The following ESRRG variants were observed in gnomAD, a reference collection of about 807,000 sequenced individuals.
The protein encoded by ESRRG is estrogen related receptor gamma.
A neutral mutation model predicts 44.0 loss-of-function variants in ESRRG; 13 were observed. The ratio of observed to expected loss-of-function variants is 0.30; its 90% CI spans 0.19 to 0.47. The LOEUF is 0.47. Among genes scored for constraint, ESRRG ranks in the 20% least tolerant of loss-of-function variants. ESRRG has a pLI of 1.00. For synonymous variants in ESRRG, 215 were observed against 214.6 expected, an observed-to-expected ratio of 1.00 and a Z score of -0.02; for missense variants, 395 against 580.6, an observed-to-expected ratio of 0.68 and a Z score of 3.29.
intron 1 of ESRRG, among the ~76,000 whole-genome samples, chr1:217,002,506 A>C (rs947078617): frequency 6.6e-6 from 1 of 152,022 alleles, no homozygotes; most frequent in African/African-American, 2.4e-5. Flanking sequence ...ACAGTATATT[A>C]ATACTGTAGG....
intron 1 of ESRRG, among the ~76,000 whole-genome samples, chr1:217,056,318 T>C (rs892936955): frequency 6.6e-6 from 1 of 152,194 alleles, no homozygotes; most frequent in African/African-American, 2.4e-5. Flanking sequence ...CAGATATTAT[T>C]AATTACATTT....
upstream of ESRRG, chr1:217,089,716 C>T (rs2092298388): frequency 6.6e-6 from 1 of 152,082 alleles, no homozygotes. Flanking sequence ...GCACGGCCCC[C>T]CGCTCTGCCC....
intron 2 of ESRRG, among the ~76,000 whole-genome samples, chr1:216,752,708 G>C (rs925719703): frequency 6.6e-6 from 1 of 151,990 alleles, no homozygotes; most frequent in African/African-American, 2.4e-5. Context: ...CCTATACTAG[G>C]GTATTTTAGA....
intron 1 of ESRRG, among the ~76,000 whole-genome samples, chr1:217,037,980 G>A (rs1450253125): frequency 2.0e-5 from 3 of 152,176 alleles, no homozygotes; most frequent in East Asian, 3.9e-4. Context: ...CAAAAGGGGG[G>A]TTCTCATAGT....
At chr1:216,904,481 T>C (rs2059463054) in intron 2 of ESRRG, among the ~76,000 whole-genome samples, 1 of 152,218 alleles carries the variant, frequency 6.6e-6, no homozygotes, top group African/African-American at 2.4e-5. Flanking sequence ...TAGCGTCTGT[T>C]ATAAACAGAA....
At chr1:217,000,826 G>T (rs10863285) in intron 1 of ESRRG, 91,178 of 152,074 alleles carry the variant, frequency 0.6, 28,174 homozygotes, top group Non-Finnish European at 0.67. Flanking sequence ...TGCACTCTGT[G>T]TGTGTTCCAT....
intron 3 of ESRRG, among the ~76,000 whole-genome samples, chr1:216,595,845 T>C (rs1016584847): frequency 1.3e-5 from 2 of 152,354 alleles, no homozygotes; most frequent in Non-Finnish European, 1.5e-5. Flanking sequence ...TTTTTCCACA[T>C]AATTTTGGTA....
At chr1:216,797,132 C>T (rs1216140837) in intron 2 of ESRRG, among the ~76,000 whole-genome samples, 1 of 152,100 alleles carries the variant, frequency 6.6e-6, no homozygotes, top group Non-Finnish European at 1.5e-5. Context: ...CCTCATGACC[C>T]ACCTGCCTTG....
intron 2 of ESRRG, among the ~76,000 whole-genome samples, chr1:216,845,323 C>T (rs770094084): frequency 5.3e-5 from 8 of 152,026 alleles, no homozygotes; most frequent in South Asian, 2.1e-4. Context: ...GGGAGTCAAA[C>T]GTGCAAGAGC....
intron 1 of ESRRG, among the ~76,000 whole-genome samples, chr1:217,014,547 G>T (rs867083595): frequency 8.6e-5 from 13 of 152,008 alleles, no homozygotes; most frequent in South Asian, 6.2e-4. Context: ...TATGATACTG[G>T]TCCTCTATAA....
chr1:216,951,850 A>G (rs1163791399), intron 1 of ESRRG, among the ~76,000 whole-genome samples: 3 of 151,540 alleles, frequency 2.0e-5, no homozygotes, highest in African/African-American at 7.3e-5. Flanking sequence ...AAGAAAACAC[A>G]CACACAGACA....
chr1:216,712,192 G>A (rs1189460773), intron 1 of ESRRG, among the ~76,000 whole-genome samples: 1 of 152,182 alleles, frequency 6.6e-6, no homozygotes, highest in Non-Finnish European at 1.5e-5. Context: ...GTGAAATGAA[G>A]TTTTTTGCAT....
intron 1 of ESRRG, among the ~76,000 whole-genome samples, chr1:217,059,042 A>G (rs891343200): frequency 6.7e-6 from 1 of 148,740 alleles, no homozygotes; most frequent in Non-Finnish European, 1.5e-5. Context: ...AGCATATTAT[A>G]GAATAACTAT....
At chr1:216,991,486 A>T (rs2075690000) in intron 1 of ESRRG, among the ~76,000 whole-genome samples, 1 of 152,208 alleles carries the variant, frequency 6.6e-6, no homozygotes, top group Non-Finnish European at 1.5e-5. Context: ...GACGAACAAG[A>T]TAAAGTGTCC....
At chr1:216,566,287 AT>A (rs1201020685) in intron 4 of ESRRG, among the ~76,000 whole-genome samples, 2 of 152,184 alleles carry the variant, frequency 1.3e-5, no homozygotes, top group African/African-American at 4.8e-5. Flanking sequence ...GGATCTGAAA[AT>A]TAAGTTTTAT....
In ESRRG at chr1:216,636,012, T is replaced by C. The variant is rs61817032; in HGVS notation, c.589+14961A>G. On this transcript the variant is annotated intron_variant, in intron 3 of 6. Coordinates refer to ENST00000408911, the MANE Select transcript of ESRRG (RefSeq NM_001438.4). ...TATTTGTCAGACACTGTGCTAAGCA[T>C]TTTAAATACATTACCTTAATCCTCA... Among the ~76,000 whole-genome samples the C allele has an allele frequency of 6.3e-3, 960 of 152,340 alleles. 4 individuals carry two copies. The highest frequency in any genetic ancestry group is 0.01 in the Non-Finnish European group (701 of 68,030).
chr1:217,009,968 T>A (rs528184139), intron 1 of ESRRG, among the ~76,000 whole-genome samples: 1 of 152,246 alleles, frequency 6.6e-6, no homozygotes, highest in Non-Finnish European at 1.5e-5. Flanking sequence ...CCTCCCAAAG[T>A]GCTGGGATTA....
chr1:216,516,309 C>T (rs2044247577), intron 6 of ESRRG, among the ~76,000 whole-genome samples: 1 of 152,028 alleles, frequency 6.6e-6, no homozygotes, highest in African/African-American at 2.4e-5. Flanking sequence ...GTTTTGGCCA[C>T]ACACACGAAG....
intron 2 of ESRRG, among the ~76,000 whole-genome samples, chr1:216,850,689 A>G (rs2095828692): frequency 1.3e-5 from 2 of 152,210 alleles, no homozygotes; most frequent in East Asian, 1.9e-4. Flanking sequence ...GAAAAGATAT[A>G]TATCATTTCC....
Sources: gnomAD v4.1 joint callset for allele counts (sites outside exome capture counted in the v4.1 genomes callset) on GRCh38, gnomAD v4.1.1 for gene constraint, MANE v1.5 for transcripts, NCBI Gene and HGNC (gene_info 2026-07-23, HGNC 2026-07-21) for gene names.